The following NTRK2 variants were observed in gnomAD, a reference collection of about 807,000 sequenced individuals.
NTRK2 encodes neurotrophic receptor tyrosine kinase 2.
In NTRK2, 13 loss-of-function variants were observed where a neutral mutation model predicts 94.5. That is an observed-to-expected ratio of 0.14 (90% CI 0.09 to 0.22). The LOEUF is 0.22. Ranked by LOEUF, NTRK2 falls within the 10% of genes least tolerant of loss-of-function variation. The pLI, the probability that NTRK2 is intolerant of heterozygous loss-of-function variation, is 1.00. For missense variants in NTRK2, 639 were observed against 1,071.2 expected (o/e 0.60, Z 5.63); for synonymous variants, 372 against 407.4 (o/e 0.91, Z 1.05).
intron 17 of NTRK2, among the ~76,000 whole-genome samples, chr9:84,987,392 T>A (rs761078497): frequency 2.0e-5 from 3 of 152,178 alleles, no homozygotes; most frequent in Non-Finnish European, 4.4e-5. Context: ...ACAGTATTCT[T>A]TAGTCCATGC....
intron 14 of NTRK2, among the ~76,000 whole-genome samples, chr9:84,911,925 A>G (rs1237711322): frequency 2.0e-5 from 3 of 152,032 alleles, no homozygotes; most frequent in Non-Finnish European, 4.4e-5. Flanking sequence ...TGCTTTATCT[A>G]TGTCCCCCAA....
chr9:84,976,903 T>A (rs1826935345), intron 17 of NTRK2, among the ~76,000 whole-genome samples: 1 of 152,230 alleles, frequency 6.6e-6, no homozygotes. Context: ...ATTTACTGAT[T>A]TATTTGTTTT....
intron 14 of NTRK2, chr9:84,878,024 T>C: frequency 1.2e-6 from 1 of 850,112 alleles, no homozygotes. Context: ...TCCGCATTGG[T>C]TCCCCAGTTG....
At chr9:84,875,029 A>C (rs2076012188) in intron 14 of NTRK2, 1 of 1,058,778 alleles carries the variant, frequency 9.4e-7, no homozygotes, top group Admixed American at 5.4e-5. Context: ...AAACATAAGA[A>C]ACAAAGATGA....
intron 17 of NTRK2, among the ~76,000 whole-genome samples, chr9:85,009,218 AGTCT>A (rs2133489265): frequency 6.6e-6 from 1 of 152,374 alleles, no homozygotes; most frequent in South Asian, 2.1e-4. Flanking sequence ...TGCATTAGGA[AGTCT>A]AATGCAATCA....
chr9:84,987,047 T>A (rs1331612800), intron 17 of NTRK2, among the ~76,000 whole-genome samples: 3 of 152,224 alleles, frequency 2.0e-5, no homozygotes, highest in African/African-American at 7.2e-5. Context: ...CCTGCTCCTA[T>A]AAATGGGATC....
intron 11 of NTRK2, among the ~76,000 whole-genome samples, chr9:84,751,364 G>T (rs1342998838): frequency 6.6e-6 from 1 of 152,108 alleles, no homozygotes; most frequent in African/African-American, 2.4e-5. Flanking sequence ...AGAATTCCTT[G>T]AGCCCGGGAT....
chr9:84,811,229 C>T, intron 12 of NTRK2: 1 of 1,063,658 alleles, frequency 9.4e-7, no homozygotes, highest in Non-Finnish European at 1.1e-6. Flanking sequence ...TAGCTTAGGT[C>T]TGAGAGTCAA....
intron 13 of NTRK2, among the ~76,000 whole-genome samples, chr9:84,866,854 ATCC>A (rs2075619719): frequency 6.6e-6 from 1 of 152,266 alleles, no homozygotes; most frequent in Non-Finnish European, 1.5e-5. Context: ...CATGCAACAT[ATCC>A]ACACAATGGA....
intron 12 of NTRK2, among the ~76,000 whole-genome samples, chr9:84,789,917 C>T (rs1353418224): frequency 1.3e-5 from 2 of 152,174 alleles, no homozygotes; most frequent in African/African-American, 4.8e-5. Context: ...GGGGATATGA[C>T]ATTCTATTCC....
chr9:84,805,229 A>G (rs73474424), intron 12 of NTRK2, among the ~76,000 whole-genome samples: 2,126 of 152,332 alleles, frequency 0.014, 51 homozygotes, highest in African/African-American at 0.049. Flanking sequence ...TCAGCTCATA[A>G]TGAAACTTCA....
At chr9:84,927,795 A>G (rs1242604962) in intron 14 of NTRK2, among the ~76,000 whole-genome samples, 1 of 152,146 alleles carries the variant, frequency 6.6e-6, no homozygotes, top group African/African-American at 2.4e-5. Context: ...ATCTCAGCAC[A>G]TTCTCTGGCC....
chr9:84,872,547 C>T lies in NTRK2; in HGVS notation c.1633+5116C>T, dbSNP rs201473749. 57 of 1,064,670 alleles carry T rather than the reference C, an allele frequency of 5.4e-5. 1 individual carries two copies. The Middle Eastern group carries it at 1.7e-3, about 31-fold the overall frequency. 66.0% of individuals were successfully genotyped at this position (1,064,670 alleles called of 1,614,324 possible). A position where few individuals can be genotyped will look rare whatever the true frequency, so the allele number is the denominator to read the frequency against. On this transcript the variant is annotated intron_variant, in intron 14 of 18. Coordinates refer to ENST00000277120, the MANE Select transcript of NTRK2 (RefSeq NM_006180.6). ...TGTTTGTACTTGCAGAGCATGCCCT[C>T]TTCATGTGCCTAGGGCTAGTAACTC...
chr9:84,799,816 G>C (rs2070172692), intron 12 of NTRK2, among the ~76,000 whole-genome samples: 1 of 152,126 alleles, frequency 6.6e-6, no homozygotes. Context: ...TAAAGAACAA[G>C]TTAGCCCACT....
chr9:84,924,247 GAAA>G (rs1179547340), intron 14 of NTRK2, among the ~76,000 whole-genome samples: 38 of 145,208 alleles, frequency 2.6e-4, no homozygotes, highest in African/African-American at 9.5e-4. Context: ...AAGAAAGAAA[GAAA>G]GAAAGAAAGA....
At chr9:84,916,947 ATTAG>A (rs2077411952) in intron 14 of NTRK2, among the ~76,000 whole-genome samples, 1 of 152,154 alleles carries the variant, frequency 6.6e-6, no homozygotes, top group Non-Finnish European at 1.5e-5. Context: ...ATTGTTGCTA[ATTAG>A]TTAGGGCTGC....
At chr9:84,735,238 T>G (rs1029626172) in intron 9 of NTRK2, among the ~76,000 whole-genome samples, 2 of 152,214 alleles carry the variant, frequency 1.3e-5, no homozygotes, top group African/African-American at 2.4e-5. Flanking sequence ...TCATGCTCAC[T>G]GAGACCTTTT....
chr9:84,923,482 A>T (rs2077636110), intron 14 of NTRK2, among the ~76,000 whole-genome samples: 1 of 152,240 alleles, frequency 6.6e-6, no homozygotes, highest in Non-Finnish European at 1.5e-5. Context: ...ATTAAGATAC[A>T]GGTCAGGGAA....
intron 12 of NTRK2, among the ~76,000 whole-genome samples, chr9:84,756,964 G>A (rs1345027740): frequency 6.6e-6 from 1 of 152,172 alleles, no homozygotes; most frequent in Non-Finnish European, 1.5e-5. Context: ...ACATAGCGGG[G>A]CCAAAGCTAA....
Sources: allele counts gnomAD v4.1 joint callset (sites outside exome capture counted in the v4.1 genomes callset), GRCh38; gene constraint gnomAD v4.1.1; transcripts MANE v1.5; gene names NCBI Gene and HGNC (gene_info 2026-07-23, HGNC 2026-07-21).